The following KIAA1549 variants were observed in gnomAD, a reference collection of about 807,000 sequenced individuals.
KIAA1549 encodes KIAA1549.
KIAA1549 carries 70 observed loss-of-function variants against 156.4 expected under a neutral mutation model. That is an observed-to-expected ratio of 0.45 (90% CI 0.37 to 0.55). KIAA1549 has a LOEUF of 0.55. Among genes scored for constraint, KIAA1549 ranks in the 20% least tolerant of loss-of-function variants. The pLI, the probability that KIAA1549 is intolerant of heterozygous loss-of-function variation, is 0.00. For missense variants in KIAA1549, 2,428 were observed against 2,540.9 expected (o/e 0.96, Z 0.96); for synonymous variants, 1,103 against 1,066.4 (o/e 1.03, Z -0.67).
At chr7:138,935,643 GCA>G (rs1363390692) in intron 1 of KIAA1549, among the ~76,000 whole-genome samples, 1 of 152,134 alleles carries the variant, frequency 6.6e-6, no homozygotes, top group Non-Finnish European at 1.5e-5. Flanking sequence ...GCATGAGCAG[GCA>G]CCTTCCCTCC....
rs992682434 is a variant in KIAA1549 at position 138,878,349 on chromosome 7, G to C, written c.4345+1189C>G. ...GAGGCCACAAGCGTGTCAGTGAGAG[G>C]AGAGGCCCCTGGGCTTCTGTCCAGT... On this transcript the variant is annotated intron_variant, in intron 12 of 19. Transcript: ENST00000422774. 5.3e-5 allele frequency among the ~76,000 whole-genome samples: 8 copies of C among 152,354 alleles called. No homozygotes were observed. The East Asian group carries it at 1.3e-3, about 26-fold the overall frequency.
In KIAA1549 at chr7:138,838,020, G is replaced by C; in HGVS notation, c.5739C>G (p.Ser1913Arg). Residue 1913 changes from serine (S) to arginine (R), a missense_variant, in exon 20 of 20, where the codon AGC becomes AGG. By Grantham distance (110) the Ser-to-Arg change is moderately radical (BLOSUM62 -1). Transcript: ENST00000422774. ...LQGPGLGYPT[S>R]STEDLQPGHS... ...GGCCAGGCTGGAGGTCTTCCGTGGA[G>C]CTGGTGGGGTAACCCAGCCCAGGGC... 6.2e-7 allele frequency: 1 copy of C among 1,610,140 alleles called. No individual in the cohort carries two copies. Among genetic ancestry groups the C allele is most frequent in the Non-Finnish European group, 8.5e-7 (1 of 1,178,376 alleles).
chr7:138,886,306 G>A (rs1482321152), intron 10 of KIAA1549, among the ~76,000 whole-genome samples: 4 of 151,690 alleles, frequency 2.6e-5, no homozygotes, highest in Non-Finnish European at 4.4e-5. Context: ...ATGTGGTCTC[G>A]CTCTGTCACC....
chr7:138,911,364 G>T (rs1439675040), intron 3 of KIAA1549, 41 bp from the exon 4 acceptor site: 1 of 1,428,452 alleles, frequency 7.0e-7, no homozygotes, highest in East Asian at 2.4e-5. Flanking sequence ...AAACTTAAAG[G>T]AAGTTGTGTT....
At chr7:138,935,560 C>A (rs984071563) in intron 1 of KIAA1549, among the ~76,000 whole-genome samples, 2 of 152,078 alleles carry the variant, frequency 1.3e-5, no homozygotes, top group African/African-American at 4.8e-5. Context: ...AAAAGGACAC[C>A]ATCAGCTTCC....
At chr7:138,889,537 G>A (rs1333554457) in intron 10 of KIAA1549, among the ~76,000 whole-genome samples, 1 of 152,160 alleles carries the variant, frequency 6.6e-6, no homozygotes, top group Non-Finnish European at 1.5e-5. Flanking sequence ...GCGACACAGG[G>A]TCCCTCAAGA....
rs1487413096 is a variant in KIAA1549, at chr7:138,832,314, A to G, written c.*5592T>C. The G allele has an allele frequency of 1.0e-5, 2 of 196,016 alleles. No homozygotes were observed. The highest frequency in any genetic ancestry group is 2.1e-5 in the Non-Finnish European group (2 of 95,382). The allele number at this position is 196,016 out of a possible 1,614,324, so 12.1% of individuals were successfully genotyped here. A position where few individuals can be genotyped will look rare whatever the true frequency, so the allele number is the denominator to read the frequency against. ...TTGGCTCAAGCGATCCTCCAGTCTT[A>G]GCCTTTCGAGTAGCTGGGACTACTG... On this transcript the variant is annotated 3_prime_UTR_variant, in exon 20 of 20. Transcript: ENST00000422774.
At chr7:138,922,005 G>T (rs1461060333) in intron 1 of KIAA1549, among the ~76,000 whole-genome samples, 1 of 152,216 alleles carries the variant, frequency 6.6e-6, no homozygotes, top group African/African-American at 2.4e-5. Context: ...CAAATCACCA[G>T]CAGCTAGGGG....
chr7:138,899,269 C>T, intron 8 of KIAA1549, 137 bp from the exon 9 acceptor site: 2 of 734,474 alleles, frequency 2.7e-6, no homozygotes, highest in East Asian at 2.5e-5. Context: ...ATTCAGGGGC[C>T]CAGAATCACC....
At chr7:138,869,480 G>GCC in intron 14 of KIAA1549, 58 bp downstream of exon 14, 1 of 1,347,004 alleles carries the variant, frequency 7.4e-7, no homozygotes, top group Non-Finnish European at 1.0e-6. Flanking sequence ...CTGCTCCTGT[G>GCC]CCCCCCGCAG....
intron 1 of KIAA1549, among the ~76,000 whole-genome samples, chr7:138,926,136 G>C (rs1348180639): frequency 6.6e-6 from 1 of 152,098 alleles, no homozygotes; most frequent in Non-Finnish European, 1.5e-5. Context: ...TCTAAAACAT[G>C]ATGAGTCATC....
intron 1 of KIAA1549, among the ~76,000 whole-genome samples, chr7:138,979,902 C>A (rs1469898186): frequency 1.3e-5 from 2 of 152,240 alleles, no homozygotes; most frequent in African/African-American, 4.8e-5. Context: ...TTGAGCAAGG[C>A]ACTTCTCTGC....
intron 1 of KIAA1549, among the ~76,000 whole-genome samples, chr7:138,925,735 T>C (rs934783980): frequency 1.5e-5 from 2 of 135,240 alleles, no homozygotes; most frequent in Non-Finnish European, 3.0e-5. Context: ...GAGGCTGAGG[T>C]GGGAGGATCG....
At chr7:138,972,516 C>T (rs1814249861) in intron 1 of KIAA1549, among the ~76,000 whole-genome samples, 1 of 152,042 alleles carries the variant, frequency 6.6e-6, no homozygotes, top group Non-Finnish European at 1.5e-5. Context: ...GCTCTTCACA[C>T]CTGCCCTGTG....
Position 138,871,225 on chromosome 7 carries a change from G to T in KIAA1549, c.4483C>A (p.Pro1495Thr), listed in dbSNP as rs772424909. ...GAGGGGCGCTGGACGGGAGGTGCCG[G>T]GATCGGCTGCATGGCGATAAGCTGG... ...KIQLIAMQPI[P>T]APPVQRPSPA... Residue 1495 changes from proline (P) to threonine (T), a missense_variant, in exon 13 of 20, where the codon CCG (proline) becomes ACG (threonine). Coordinates refer to ENST00000422774, the MANE Select transcript of KIAA1549 (RefSeq NM_001164665.2). 1.2e-6 allele frequency: 2 copies of T among 1,613,232 alleles called. No homozygotes were observed. Among genetic ancestry groups the T allele is most frequent in the Non-Finnish European group, 1.7e-6 (2 of 1,179,788 alleles).
chr7:138,859,008 A>AACACACACAC (rs57352970), intron 16 of KIAA1549, among the ~76,000 whole-genome samples: 198 of 142,356 alleles, frequency 1.4e-3, no homozygotes, highest in Non-Finnish European at 1.9e-3. Flanking sequence ...TCCATCTCAA[A>AACACACACAC]ACACACACAC....
chr7:138,883,569 G>T (rs1259690478), intron 10 of KIAA1549, among the ~76,000 whole-genome samples: 2 of 152,016 alleles, frequency 1.3e-5, no homozygotes, highest in Non-Finnish European at 2.9e-5. Flanking sequence ...CACCCACCTT[G>T]GCCGCCCAAA....
chr7:138,917,867 T>C lies in KIAA1549; in HGVS notation c.1759A>G (p.Ser587Gly), dbSNP rs552493889. ...ACCAGACTATAAGGCGTAAAAACACTCGGGTCTCTGACGGCAAGCGACGGT... is the reference window on the plus strand; with the variant it reads ...ACCAGACTATAAGGCGTAAAAACACCCGGGTCTCTGACGGCAAGCGACGGT... ...NTPSLAVRDP[S>G]VFTPYSLVPS... is the part of the protein sequence containing the mutation. The change falls in exon 2 of 20, where the codon AGT (serine) becomes GGT (glycine). Residue 587 changes from serine to glycine, a missense_variant. Ser to Gly is a moderately conservative substitution (Grantham distance 56, BLOSUM62 0). Transcript: ENST00000422774. 18 of 1,604,644 alleles carry C rather than the reference T, an allele frequency of 1.1e-5. No homozygotes were observed. The highest frequency in any genetic ancestry group is 1.5e-5 in the Non-Finnish European group (18 of 1,175,654).
intron 1 of KIAA1549, among the ~76,000 whole-genome samples, chr7:138,957,754 A>G (rs1427387594): frequency 6.6e-6 from 1 of 152,086 alleles, no homozygotes; most frequent in Non-Finnish European, 1.5e-5. Context: ...CTGAGATTAC[A>G]GACATGAGAC....
Sources: allele counts gnomAD v4.1 joint callset (sites outside exome capture counted in the v4.1 genomes callset), GRCh38; gene constraint gnomAD v4.1.1; transcripts MANE v1.5; gene names NCBI Gene and HGNC (gene_info 2026-07-23, HGNC 2026-07-21).